Variants in RGS6 observed in about 807,000 individuals in gnomAD.
The protein encoded by RGS6 is regulator of G-protein signaling 6.
RGS6 carries 30 observed loss-of-function variants against 78.5 expected under a neutral mutation model. The ratio of observed to expected loss-of-function variants is 0.38; its 90% CI spans 0.29 to 0.52. RGS6 has a LOEUF of 0.52. Ranked by LOEUF, RGS6 falls within the 20% of genes least tolerant of loss-of-function variation. The pLI is 0.85. For synonymous variants in RGS6, 206 were observed against 206.0 expected (o/e 1.00, Z 0.00); for missense variants, 495 against 609.7 (o/e 0.81, Z 1.98).
chr14:72,540,843 G>C lies in RGS6; in HGVS notation c.1422+749G>C, dbSNP rs115482586. 1.2e-3 allele frequency: 1,187 copies of C among 985,356 alleles called. 11 individuals carry two copies. The African/African-American group carries it at 0.019, about 16-fold the overall frequency. The allele number at this position is 985,356 out of a possible 1,614,324, so 61.0% of individuals were successfully genotyped here. ...TCAGATTCCTACAGGTTCATGGTAC[G>C]CCCCAGCTAGAGAGGTAGAGCTCCC... On this transcript the variant is annotated intron_variant, in intron 17 of 17. Transcript: ENST00000553525.
intron 2 of RGS6, among the ~76,000 whole-genome samples, chr14:72,350,085 A>G (rs1240970796): frequency 6.6e-6 from 1 of 152,232 alleles, no homozygotes; most frequent in Non-Finnish European, 1.5e-5. Flanking sequence ...GATGATTAAC[A>G]TGAATTGGGA....
At chr14:72,371,459 C>T (rs888810060) in intron 3 of RGS6, among the ~76,000 whole-genome samples, 1 of 152,032 alleles carries the variant, frequency 6.6e-6, no homozygotes, top group Non-Finnish European at 1.5e-5. Context: ...TCTTTTTAAA[C>T]GTTTCTATTA....
intron 1 of RGS6, among the ~76,000 whole-genome samples, chr14:71,950,686 T>A (rs2092210646): frequency 6.6e-6 from 1 of 152,008 alleles, no homozygotes; most frequent in South Asian, 2.1e-4. Context: ...AGATCTAATA[T>A]CCAGAGTCTA....
the RGS6 span, among the ~76,000 whole-genome samples, chr14:71,873,233 G>T: frequency 2.0e-5 from 3 of 152,146 alleles, no homozygotes; most frequent in African/African-American, 7.2e-5. Context: ...TTCCACAATG[G>T]TTAAACTAGT....
chr14:72,323,995 A>G (rs1397566916), intron 2 of RGS6, among the ~76,000 whole-genome samples: 2 of 151,994 alleles, frequency 1.3e-5, no homozygotes, highest in Non-Finnish European at 2.9e-5. Context: ...TAGGGTAAAT[A>G]GAGTATCCAT....
chr14:72,472,172 GAA>G (rs5809575), intron 8 of RGS6, among the ~76,000 whole-genome samples: 4 of 141,526 alleles, frequency 2.8e-5, no homozygotes, highest in Non-Finnish European at 4.6e-5. Context: ...GCTTTTTTAA[GAA>G]AAAAAAAAAA....
Position 72,133,459 on chromosome 14 carries a change from G to A in RGS6, c.84+168584G>A, listed in dbSNP as rs113655200. On this transcript the variant is annotated intron_variant, in intron 2 of 17. Coordinates refer to ENST00000553525, the MANE Select transcript of RGS6 (RefSeq NM_001204424.2). ...ACTTTAAGCAGGAAAATCGGTAAAC[G>A]CTGACCATACTGAACAATTAAGTCT... 3.1e-3 allele frequency among the ~76,000 whole-genome samples: 472 copies of A among 152,180 alleles called. 1 individual carries two copies. The highest frequency in any genetic ancestry group is 0.01 in the African/African-American group (432 of 41,526).
chr14:72,507,159 A>G (rs1321375934), intron 13 of RGS6, among the ~76,000 whole-genome samples: 1 of 152,166 alleles, frequency 6.6e-6, no homozygotes, highest in Admixed American at 6.5e-5. Context: ...ACAGAGTGAG[A>G]CTCCATCTCA....
chr14:71,968,449 T>C (rs1292768749), intron 2 of RGS6, among the ~76,000 whole-genome samples: 1 of 152,252 alleles, frequency 6.6e-6, no homozygotes, highest in East Asian at 1.9e-4. Context: ...GATTTCATAA[T>C]TATTTGTAGA....
chr14:72,496,537 G>A (rs888490204), intron 13 of RGS6, among the ~76,000 whole-genome samples: 2 of 152,198 alleles, frequency 1.3e-5, no homozygotes, highest in African/African-American at 4.8e-5. Context: ...AATGCGTAGT[G>A]CCCAATAGGT....
chr14:72,474,158 G>A (rs560645491), intron 9 of RGS6: 66 of 152,460 alleles, frequency 4.3e-4, no homozygotes, highest in Non-Finnish European at 7.6e-4. Flanking sequence ...TGTAAATAAT[G>A]AGGTTTGACT....
chr14:72,439,337 G>A (rs2095084586), intron 3 of RGS6, among the ~76,000 whole-genome samples: 1 of 152,208 alleles, frequency 6.6e-6, no homozygotes, highest in African/African-American at 2.4e-5. Context: ...AAGAAACCAT[G>A]AGGTGACCCA....
intron 2 of RGS6, among the ~76,000 whole-genome samples, chr14:72,005,439 C>CTCTCTCTATCTATCTATCTA (rs1555428326): frequency 6.3e-5 from 9 of 143,638 alleles, no homozygotes; most frequent in Middle Eastern, 3.7e-3. Context: ...ACCTGCATAT[C>CTCTCTCTATCTATCTATCTA]TCTATCTATC....
the RGS6 span, among the ~76,000 whole-genome samples, chr14:71,921,245 T>C: frequency 6.6e-6 from 1 of 152,218 alleles, no homozygotes; most frequent in Non-Finnish European, 1.5e-5. Context: ...TTGCACTCTG[T>C]TGGTAGTAAT....
intron 2 of RGS6, among the ~76,000 whole-genome samples, chr14:72,263,669 C>G (rs754199107): frequency 9.9e-5 from 15 of 152,122 alleles, no homozygotes; most frequent in Non-Finnish European, 2.1e-4. Context: ...GTCTCTCACC[C>G]CTTTCACCAT....
intron 2 of RGS6, among the ~76,000 whole-genome samples, chr14:72,290,409 G>C (rs1449288881): frequency 1.3e-5 from 2 of 152,164 alleles, no homozygotes; most frequent in East Asian, 3.9e-4. Context: ...ACACCTAGCA[G>C]ATGGCAGTTT....
intron 3 of RGS6, among the ~76,000 whole-genome samples, chr14:72,413,821 C>T (rs1481282728): frequency 6.6e-6 from 1 of 152,162 alleles, no homozygotes; most frequent in Non-Finnish European, 1.5e-5. Flanking sequence ...TTCTCCTTCA[C>T]TTATGAAGCT....
At chr14:72,319,333 G>A (rs2071209820) in intron 2 of RGS6, among the ~76,000 whole-genome samples, 1 of 151,552 alleles carries the variant, frequency 6.6e-6, no homozygotes. Context: ...TAGCTCTCCA[G>A]AGAACTGAAG....
At chr14:72,269,892 T>C (rs1233662094) in intron 2 of RGS6, among the ~76,000 whole-genome samples, 1 of 152,142 alleles carries the variant, frequency 6.6e-6, no homozygotes, top group Admixed American at 6.5e-5. Context: ...GCATCAAATA[T>C]GGGCTTAGTT....
Sources: gnomAD v4.1 joint callset for allele counts (sites outside exome capture counted in the v4.1 genomes callset) on GRCh38, gnomAD v4.1.1 for gene constraint, MANE v1.5 for transcripts, NCBI Gene and HGNC (gene_info 2026-07-23, HGNC 2026-07-21) for gene names.